Variants in PALLD observed in about 807,000 individuals in gnomAD.
PALLD encodes the protein palladin, cytoskeletal associated protein.
Under a neutral mutation model 123.5 loss-of-function variants are expected in PALLD, and 61 were observed. The observed-to-expected ratio is 0.49, with a 90% confidence interval of 0.40 to 0.61. The LOEUF (loss-of-function observed/expected upper bound fraction) is 0.61. PALLD is among the 20% of genes least tolerant of loss of function. The probability of loss-of-function intolerance (pLI) is 0.00; values close to 1 mark genes in which losing one functional copy is unlikely to be tolerated. For synonymous variants in PALLD, 465 were observed against 496.4 expected, an observed-to-expected ratio of 0.94 and a Z score of 0.84; for missense variants, 1,273 against 1,377.0, an observed-to-expected ratio of 0.92 and a Z score of 1.20.
In PALLD at chr4:168,718,593, A is replaced by G. The variant is rs147251153; in HGVS notation, c.1964+6670A>G. Among the ~76,000 whole-genome samples, 64 of 152,360 alleles carry G rather than the reference A, an allele frequency of 4.2e-4. No homozygotes were observed. The East Asian group carries it at 0.012, about 29-fold the overall frequency. On this transcript the variant is annotated intron_variant, in intron 10 of 21. Coordinates refer to ENST00000505667, the MANE Select transcript of PALLD (RefSeq NM_001166108.2). ...GTAATACAATCACACAGTTAAAAGT[A>G]TAAAGAAATATATGCACTGAAAAGT...
intron 2 of PALLD, among the ~76,000 whole-genome samples, chr4:168,664,461 T>G (rs770229437): frequency 1.9e-4 from 29 of 151,786 alleles, no homozygotes; most frequent in Non-Finnish European, 3.5e-4. Flanking sequence ...GGCAAAATGA[T>G]TGGTGCTTGT....
In PALLD at chr4:168,752,357, C is replaced by A. The variant is rs139705685; in HGVS notation, c.1964+40434C>A. On this transcript the variant is annotated intron_variant, in intron 10 of 21. Transcript: ENST00000505667. ...CCACTGCAGTCCAGCCTGAGGGAGA[C>A]CCCGCCTAAAAAACAAAACAAACCA... 2.1e-4 allele frequency among the ~76,000 whole-genome samples: 32 copies of A among 152,284 alleles called. No homozygotes were observed. The East Asian group carries it at 3.9e-3, about 18-fold the overall frequency.
rs544421675 is a variant in PALLD, at chr4:168,590,235, A to T, written c.908+77823A>T. On this transcript the variant is annotated intron_variant, in intron 2 of 21. Transcript: ENST00000505667. ...CAGTCGCCTATAATCCCAGCTACTCAGGAGGCTGAGGCAGGAGAATCACTT... is the reference window on the plus strand; with the variant it reads ...CAGTCGCCTATAATCCCAGCTACTCTGGAGGCTGAGGCAGGAGAATCACTT... Among the ~76,000 whole-genome samples, 522 of 152,262 alleles carry T rather than the reference A, an allele frequency of 3.4e-3. 3 individuals are homozygous for T. Among genetic ancestry groups the T allele is most frequent in the Middle Eastern group, 0.024 (7 of 294 alleles).
intron 2 of PALLD, among the ~76,000 whole-genome samples, chr4:168,527,691 T>C (rs879669035): frequency 6.6e-6 from 1 of 152,194 alleles, no homozygotes; most frequent in Non-Finnish European, 1.5e-5. Flanking sequence ...TGACTCATCA[T>C]CTTTCATAGA....
chr4:168,631,976 G>A (rs1283493951), intron 2 of PALLD: 3 of 865,896 alleles, frequency 3.5e-6, no homozygotes, highest in Non-Finnish European at 4.2e-6. Context: ...TGGCATGCAA[G>A]TACTCGTGCG....
chr4:168,721,997 T>A (rs1173575937), intron 10 of PALLD, among the ~76,000 whole-genome samples: 1 of 152,170 alleles, frequency 6.6e-6, no homozygotes, highest in African/African-American at 2.4e-5. Flanking sequence ...TAATTGTACA[T>A]CTCAGGTGTT....
At chr4:168,676,739 A>ATTT (rs397961036) in intron 3 of PALLD, among the ~76,000 whole-genome samples, 1,650 of 143,782 alleles carry the variant, frequency 0.011, 33 homozygotes, top group African/African-American at 0.04. Flanking sequence ...TGCCCATCTA[A>ATTT]TTTTTTTTTT....
At chr4:168,599,660 A>T (rs186073575) in intron 2 of PALLD, among the ~76,000 whole-genome samples, 8 of 152,290 alleles carry the variant, frequency 5.3e-5, no homozygotes, top group Admixed American at 5.2e-4. Flanking sequence ...TAGCTACTGG[A>T]GGCTGAGGCA....
At chr4:168,794,452 C>T (rs1191553539) in intron 10 of PALLD, among the ~76,000 whole-genome samples, 2 of 103,294 alleles carry the variant, frequency 1.9e-5, no homozygotes, top group African/African-American at 3.4e-5. Flanking sequence ...TAGACATACG[C>T]GCAGCGCACA....
chr4:168,651,594 G>A (rs1778049289), intron 2 of PALLD, among the ~76,000 whole-genome samples: 1 of 151,276 alleles, frequency 6.6e-6, no homozygotes, highest in African/African-American at 2.4e-5. Context: ...TTTCCCCCCC[G>A]CAAGGTTAGC....
At chr4:168,652,102 C>T (rs564900112) in intron 2 of PALLD, among the ~76,000 whole-genome samples, 8 of 152,178 alleles carry the variant, frequency 5.3e-5, no homozygotes, top group African/African-American at 1.9e-4. Context: ...CGTCACATAC[C>T]GCGTGACCAT....
At chr4:168,811,776 TCACACACACA>T (rs58914714) in intron 10 of PALLD, among the ~76,000 whole-genome samples, 27 of 143,750 alleles carry the variant, frequency 1.9e-4, no homozygotes, top group African/African-American at 4.9e-4. Flanking sequence ...TCTCTCTCTC[TCACACACACA>T]CACACACACA....
At chr4:168,925,907 G>A (rs1762495281) in intron 21 of PALLD, among the ~76,000 whole-genome samples, 1 of 152,002 alleles carries the variant, frequency 6.6e-6, no homozygotes, top group South Asian at 2.1e-4. Flanking sequence ...GAGGGGGGAT[G>A]AGAATTAGGA....
Position 168,925,064 on chromosome 4 carries a change from G to C in PALLD, c.3344G>C (p.Arg1115Thr). 6.2e-7 allele frequency: 1 copy of C among 1,614,074 alleles called. No homozygotes were observed. Among genetic ancestry groups the C allele is most frequent in the Non-Finnish European group, 8.5e-7 (1 of 1,179,968 alleles). The change falls in exon 20 of 22, where the codon AGG becomes ACG. Residue 1115 changes from arginine (R) to threonine (T), a missense_variant. By Grantham distance (71) the Arg-to-Thr change is moderately conservative (BLOSUM62 -1). Coordinates refer to ENST00000505667, the MANE Select transcript of PALLD (RefSeq NM_001166108.2). ...NEAGIVSCTA[R>T]LDVYISRH is the part of the protein sequence containing the mutation. ...GCAGGGATTGTGTCCTGTACTGCCA[G>C]GCTGGACGTTTACAGTGAGTGCCAC...
rs1762577012 is a variant in PALLD, at chr4:168,926,341, C to T, written c.*161C>T. ...GTTCCAACCTGAGGCCAACCCATCT[C>T]ACCTGACACTGAATACTGCCTTGGT... On this transcript the variant is annotated 3_prime_UTR_variant, in exon 22 of 22. Transcript: ENST00000505667. 3 of 1,537,368 alleles carry T rather than the reference C, an allele frequency of 2.0e-6. No individual in the cohort carries two copies. Among genetic ancestry groups the T allele is most frequent in the Non-Finnish European group, 2.6e-6 (3 of 1,146,830 alleles).
chr4:168,591,321 T>C, intron 2 of PALLD, among the ~76,000 whole-genome samples: 1 of 152,198 alleles, frequency 6.6e-6, no homozygotes, highest in East Asian at 1.9e-4. Context: ...GTGCACAACA[T>C]AGGACTCTAT....
chr4:168,603,618 T>C (rs543161876), intron 2 of PALLD, among the ~76,000 whole-genome samples: 3 of 152,324 alleles, frequency 2.0e-5, no homozygotes, highest in Middle Eastern at 3.4e-3. Flanking sequence ...ATTTTCATAG[T>C]AGCCCTCAGG....
At chr4:168,893,118 T>C (rs1754416085) in intron 11 of PALLD, among the ~76,000 whole-genome samples, 1 of 152,228 alleles carries the variant, frequency 6.6e-6, no homozygotes, top group Non-Finnish European at 1.5e-5. Context: ...GGAATAGATA[T>C]GAAATTGATA....
chr4:168,679,282 A>T (rs1161706552), intron 3 of PALLD, among the ~76,000 whole-genome samples: 9 of 22,388 alleles, frequency 4.0e-4, no homozygotes, highest in East Asian at 1.5e-3. Context: ...TGGTGGGGTG[A>T]GTATGGATGT....
Sources: allele counts gnomAD v4.1 joint callset (sites outside exome capture counted in the v4.1 genomes callset), GRCh38; gene constraint gnomAD v4.1.1; transcripts MANE v1.5; gene names NCBI Gene and HGNC (gene_info 2026-07-23, HGNC 2026-07-21).